The following RBM10 variants were observed in gnomAD, a reference collection of about 807,000 sequenced individuals.
RBM10 encodes the protein RNA-binding protein 10.
RBM10 carries 1 observed loss-of-function variant against 84.9 expected under a neutral mutation model. The ratio of observed to expected loss-of-function variants is 0.01; its 90% CI spans 0.00 to 0.06. RBM10 has a LOEUF of 0.06. RBM10 is among the 10% of genes least tolerant of loss of function. The pLI, the probability that RBM10 is intolerant of heterozygous loss-of-function variation, is 1.00. For missense variants in RBM10, 438 were observed against 839.0 expected (o/e 0.52, Z 5.90); for synonymous variants, 326 against 344.5 (o/e 0.95, Z 0.60).
chrX:47,158,702 T>C (rs1347643658), intron 2 of RBM10, among the ~76,000 whole-genome samples: 1 of 111,782 alleles, frequency 8.9e-6, no homozygotes, highest in Non-Finnish European at 1.9e-5. Flanking sequence ...GCATCTGGCC[T>C]GTACAGGTTT....
At chrX:47,181,170 C>A (rs1379106204) in intron 12 of RBM10, 45 bp from the exon 13 acceptor site, 1 of 241,120 alleles carries the variant, frequency 4.1e-6, no homozygotes. Context: ...ACCCCCCACC[C>A]CCACACCTTC....
rs1175227531 is a variant in RBM10 at position 47,183,899 on chromosome X, A to G, written c.1951-1156A>G. 4.6e-5 allele frequency among the ~76,000 whole-genome samples: 5 copies of G among 109,332 alleles called. No homozygotes were observed. The Admixed American group carries it at 4.9e-4, about 11-fold the overall frequency. 94.9% of individuals were successfully genotyped at this position (109,332 alleles called of 115,157 possible). A position where few individuals can be genotyped will look rare whatever the true frequency, so the allele number is the denominator to read the frequency against. ...ATTTTAGTAGAGACGGGTTTTCGCCATGTTGGCCAGGCTGGTCTCAAACTC... is the reference window on the plus strand; with the variant it reads ...ATTTTAGTAGAGACGGGTTTTCGCCGTGTTGGCCAGGCTGGTCTCAAACTC... On this transcript the variant is annotated intron_variant, in intron 17 of 23. Coordinates refer to ENST00000377604, the MANE Select transcript of RBM10 (RefSeq NM_005676.5).
chrX:47,182,633 C>A (rs995834363), intron 17 of RBM10, among the ~76,000 whole-genome samples: 5 of 112,753 alleles, frequency 4.4e-5, no homozygotes, highest in Non-Finnish European at 9.4e-5. Flanking sequence ...GGTGAATATA[C>A]ATGTATGCCA....
At chrX:47,154,328 C>G (rs1556764446) in intron 2 of RBM10, among the ~76,000 whole-genome samples, 1 of 111,347 alleles carries the variant, frequency 9.0e-6, no homozygotes, top group East Asian at 2.8e-4. Flanking sequence ...AGTTCAATAC[C>G]TGAATTTATT....
rs1408795182 is a variant in RBM10, at chrX:47,145,574, G to T, written c.-126+89G>T. The T allele has an allele frequency of 1.1e-4, 107 of 967,938 alleles. 1 individual carries two copies. The highest frequency in any genetic ancestry group is 1.5e-4 in the Non-Finnish European group (104 of 714,743). The allele number at this position is 967,938 out of a possible 1,213,427, so 79.8% of individuals were successfully genotyped here. A position where few individuals can be genotyped will look rare whatever the true frequency, so the allele number is the denominator to read the frequency against. ...CGCGAGGGCGGACTTCGGGTCGGGG[G>T]AGATGCGCGGAACGGAGGGGTTGGT... On this transcript the variant is annotated intron_variant, in intron 1 of 23. Coordinates refer to ENST00000377604, the MANE Select transcript of RBM10 (RefSeq NM_005676.5).
intron 12 of RBM10, 58 bp downstream of exon 12, chrX:47,180,564 T>C (rs1337877362): frequency 5.0e-6 from 6 of 1,188,294 alleles, no homozygotes; most frequent in Non-Finnish European, 5.6e-6. Context: ...TCAACCCTCC[T>C]GCACCCTCTC....
At chrX:47,146,032 T>C (rs1375020417) in intron 1 of RBM10, among the ~76,000 whole-genome samples, 2 of 109,526 alleles carry the variant, frequency 1.8e-5, no homozygotes, top group Non-Finnish European at 3.8e-5. Context: ...AACCCACTTA[T>C]TGGGTGGGAA....
In RBM10 at chrX:47,180,007, C is replaced by T. The variant is rs199835845; in HGVS notation, c.1029C>T (p.Arg343=). 89 of 1,210,147 alleles carry T rather than the reference C, an allele frequency of 7.4e-5. No individual in the cohort carries two copies. The Admixed American group carries it at 1.6e-3, about 22-fold the overall frequency. ...VIKDKQTQLN[R]GFAFIQLSTI... ...AGGACAAGCAGACCCAACTGAACCG[C>T]GGCTTTGCCTTCATCCAGCTCTCCA... is the stretch of plus-strand genomic sequence containing the variant. The change falls in exon 10 of 24, where the codon CGC becomes CGT. Residue 343 remains arginine (R), a synonymous_variant. Coordinates refer to ENST00000377604, the MANE Select transcript of RBM10 (RefSeq NM_005676.5).
intron 2 of RBM10, chrX:47,157,956 AG>A (rs1321033680): frequency 1.9e-5 from 4 of 212,068 alleles, no homozygotes; most frequent in Non-Finnish European, 3.4e-5. Context: ...TTGTATTTTT[AG>A]TAGAGACAGA....
In RBM10 at chrX:47,186,109, T is replaced by C. The variant is rs200535931; in HGVS notation, c.2475T>C (p.Tyr825=). 22 of 1,211,700 alleles carry C rather than the reference T, an allele frequency of 1.8e-5. No individual in the cohort carries two copies. The highest frequency in any genetic ancestry group is 2.2e-5 in the Non-Finnish European group (20 of 895,554). The change falls in exon 22 of 24, where the codon TAT becomes TAC. Residue 825 remains tyrosine (Y), a synonymous_variant. Coordinates refer to ENST00000377604, the MANE Select transcript of RBM10 (RefSeq NM_005676.5). ...RDRAAERREK[Y]GIPEPPEPKR... ...GTGCAGCTGAACGCAGAGAAAAGTA[T>C]GGCATCCCCGAGCCGCCAGAGCCCA...
At chrX:47,165,877 G>A (rs1466666306) in intron 2 of RBM10, among the ~76,000 whole-genome samples, 2 of 110,105 alleles carry the variant, frequency 1.8e-5, no homozygotes, top group Admixed American at 9.8e-5. Context: ...AAAATTATCC[G>A]GGCGTGGCTG....
chrX:47,182,248 C>T lies in RBM10; in HGVS notation c.1872C>T (p.Asp624=), dbSNP rs369579896. ...TTCCCGCCCTGGAGCAGTCGGCCGACGGACATAAGGAGACAGGGGCACCCT... is the reference window on the plus strand; with the variant it reads ...TTCCCGCCCTGGAGCAGTCGGCCGATGGACATAAGGAGACAGGGGCACCCT... ...TYVPALEQSA[D]GHKETGAPSK... Residue 624 remains aspartate, a synonymous_variant, in exon 17 of 24, where the codon GAC becomes GAT. Transcript: ENST00000377604. The T allele has an allele frequency of 3.9e-5, 47 of 1,210,092 alleles. No individual in the cohort carries two copies. The highest frequency in any genetic ancestry group is 3.5e-5 in the African/African-American group (2 of 57,244).
chrX:47,171,067 AGGCGGC>A lies in RBM10; in HGVS notation c.251_256del (p.Arg84_Arg85del). 7 of 1,210,198 alleles carry A rather than the reference AGGCGGC, an allele frequency of 5.8e-6. No individual in the cohort carries two copies. The highest frequency in any genetic ancestry group is 7.8e-6 in the Non-Finnish European group (7 of 894,906). On this transcript the variant is annotated inframe_deletion, in exon 4 of 24. Transcript: ENST00000377604. ...CTCCCCGGGCTCCGAGACTCAGCGT[AGGCGGC>A]GGCGGCGGCACAGGCACAGCCCCAC...
intron 17 of RBM10, 25 bp from the exon 18 acceptor site, chrX:47,185,030 A>G (rs2147209232): frequency 8.3e-7 from 1 of 1,198,589 alleles, no homozygotes; most frequent in Non-Finnish European, 1.1e-6. Context: ...GGTTCTGGGA[A>G]CCTCACCTCC....
rs1935834035 is a variant in RBM10, at chrX:47,185,437, T to C, written c.2167-5T>C. The C allele has an allele frequency of 8.5e-7, 1 of 1,172,983 alleles. No individual in the cohort carries two copies. Among genetic ancestry groups the C allele is most frequent in the African/African-American group, 1.8e-5 (1 of 56,276 alleles). ...GGCCTGACCGCCCACCCTCACCCTC[T>C]ACAGAGCCCTCCGCGAGGACTGGTG... On this transcript the variant is annotated splice_region_variant and splice_polypyrimidine_tract_variant and intron_variant, in intron 19 of 23. Coordinates refer to ENST00000377604, the MANE Select transcript of RBM10 (RefSeq NM_005676.5).
intron 1 of RBM10, 163 bp downstream of exon 1, chrX:47,145,648 T>G (rs1932097459): frequency 4.2e-6 from 2 of 470,645 alleles, no homozygotes; most frequent in Admixed American, 5.4e-5. Context: ...TTTTTTTTTT[T>G]TTTTTTTTTT....
chrX:47,173,192 C>T lies in RBM10; in HGVS notation c.497C>T (p.Ser166Phe), dbSNP rs781833028. Residue 166 changes from serine to phenylalanine, a missense_variant, in exon 5 of 24, where the codon TCT becomes TTT. Physicochemically the swap from Ser to Phe is radical, Grantham distance 155. This residue lies in a region of RBM10 where 28 missense variants were observed against 98.6 expected (regional missense o/e 0.28). Coordinates refer to ENST00000377604, the MANE Select transcript of RBM10 (RefSeq NM_005676.5). Reference protein sequence around the residue: ...AREVRLMRNKSSGQSRGFAFV... With the variant: ...AREVRLMRNKFSGQSRGFAFV... ...GAGGTTCGGCTGATGCGGAACAAAT[C>T]TTCAGGTGAGCTTTTGTTCTAGTGC... The T allele has an allele frequency of 8.2e-7, 1 of 1,212,310 alleles. No individual in the cohort carries two copies. The highest frequency in any genetic ancestry group is 1.1e-6 in the Non-Finnish European group (1 of 895,647).
chrX:47,166,907 C>G (rs1934268717), intron 2 of RBM10, among the ~76,000 whole-genome samples: 1 of 109,189 alleles, frequency 9.2e-6, no homozygotes, highest in Admixed American at 9.9e-5. Flanking sequence ...TCCCGAGTAG[C>G]TGGGACTACA....
intron 7 of RBM10, among the ~76,000 whole-genome samples, chrX:47,178,032 C>T (rs1935263279): frequency 9.0e-6 from 1 of 111,349 alleles, no homozygotes; most frequent in Non-Finnish European, 1.9e-5. Context: ...TCCCGCTGCT[C>T]ATGCCAATCG....
Sources: gnomAD v4.1 joint callset for allele counts (sites outside exome capture counted in the v4.1 genomes callset) on GRCh38, gnomAD v4.1.1 for gene constraint, gnomAD v4.1.1 regional missense constraint, MANE v1.5 for transcripts, NCBI Gene and HGNC (gene_info 2026-07-23, HGNC 2026-07-21) for gene names.